CAMTA1: variants seen among roughly 807,000 people sequenced by gnomAD.
CAMTA1 encodes the protein calmodulin binding transcription activator 1.
A neutral mutation model predicts 170.9 loss-of-function variants in CAMTA1; 27 were observed. The ratio of observed to expected loss-of-function variants is 0.16; its 90% CI spans 0.12 to 0.22. CAMTA1 has a LOEUF of 0.22. Among genes scored for constraint, CAMTA1 ranks in the 10% least tolerant of loss-of-function variants. The pLI is 1.00. For synonymous variants in CAMTA1, 833 were observed against 891.5 expected (o/e 0.93, Z 1.17); for missense variants, 1,619 against 2,217.2 (o/e 0.73, Z 5.42).
chr1:7,466,512 G>A (rs892679742), intron 5 of CAMTA1, among the ~76,000 whole-genome samples: 43 of 152,290 alleles, frequency 2.8e-4, no homozygotes, highest in African/African-American at 1.0e-3. Context: ...AATTGCACCC[G>A]CTCTTTTGGG....
At chr1:7,267,097 A>G (rs2149383644) in intron 5 of CAMTA1, among the ~76,000 whole-genome samples, 1 of 152,256 alleles carries the variant, frequency 6.6e-6, no homozygotes, top group East Asian at 1.9e-4. Flanking sequence ...TTCTTCATCT[A>G]TGGAGTGGAA....
At chr1:7,575,914 C>T (rs112647380) in intron 6 of CAMTA1, among the ~76,000 whole-genome samples, 2 of 152,100 alleles carry the variant, frequency 1.3e-5, no homozygotes, top group African/African-American at 2.4e-5. Flanking sequence ...TCCCTGGAGA[C>T]GTCAGGGAGG....
intron 3 of CAMTA1, among the ~76,000 whole-genome samples, chr1:7,034,733 G>T (rs1483300835): frequency 1.3e-5 from 2 of 152,064 alleles, no homozygotes; most frequent in Non-Finnish European, 2.9e-5. Context: ...GCAGTCCCGG[G>T]GCTGACCTCG....
intron 6 of CAMTA1, among the ~76,000 whole-genome samples, chr1:7,621,038 A>G (rs772722666): frequency 1.2e-4 from 18 of 152,150 alleles, no homozygotes; most frequent in African/African-American, 4.8e-5. Context: ...CCGTAGGGTC[A>G]GGGGAGTAAT....
chr1:7,396,333 A>T (rs1238742417), intron 5 of CAMTA1, among the ~76,000 whole-genome samples: 2 of 152,190 alleles, frequency 1.3e-5, no homozygotes, highest in Non-Finnish European at 2.9e-5. Flanking sequence ...GCAGATGCTG[A>T]CACTAAGCTT....
chr1:6,872,824 A>G (rs1033301991), intron 3 of CAMTA1, among the ~76,000 whole-genome samples: 2 of 152,236 alleles, frequency 1.3e-5, no homozygotes, highest in Non-Finnish European at 2.9e-5. Flanking sequence ...AGCACAGATT[A>G]CTTTTTAAGT....
intron 5 of CAMTA1, among the ~76,000 whole-genome samples, chr1:7,340,174 G>C (rs1214983850): frequency 6.6e-6 from 1 of 152,230 alleles, no homozygotes; most frequent in Admixed American, 6.5e-5. Flanking sequence ...GGATGTGGCT[G>C]TGTGCCCATA....
chr1:7,479,740 G>A (rs931616986), intron 6 of CAMTA1, among the ~76,000 whole-genome samples: 5 of 152,214 alleles, frequency 3.3e-5, no homozygotes, highest in Non-Finnish European at 4.4e-5. Flanking sequence ...CCTGCCTCAT[G>A]TCTTTCTTTG....
At chr1:7,162,439 C>T (rs1467770160) in intron 4 of CAMTA1, among the ~76,000 whole-genome samples, 1 of 152,064 alleles carries the variant, frequency 6.6e-6, no homozygotes, top group African/African-American at 2.4e-5. Flanking sequence ...AACCCTGTAC[C>T]CATCAGCAGG....
intron 5 of CAMTA1, among the ~76,000 whole-genome samples, chr1:7,425,917 C>T (rs2091854624): frequency 6.6e-6 from 1 of 152,198 alleles, no homozygotes; most frequent in East Asian, 1.9e-4. Flanking sequence ...CTGGGCCAGC[C>T]ACTGAAGGCC....
chr1:7,275,361 AAAG>A (rs1472495380), intron 5 of CAMTA1, among the ~76,000 whole-genome samples: 1 of 152,034 alleles, frequency 6.6e-6, no homozygotes, highest in Non-Finnish European at 1.5e-5. Context: ...GAAGCTAGAG[AAAG>A]AAGAACCAAT....
At chr1:7,746,135 A>G in intron 18 of CAMTA1, 44 bp downstream of exon 18, 2 of 1,591,222 alleles carry the variant, frequency 1.3e-6, no homozygotes, top group Non-Finnish European at 1.7e-6. Flanking sequence ...TCTTAAGATC[A>G]GAGAGGACAG....
chr1:6,825,899 A>G (rs1181800115), intron 3 of CAMTA1, among the ~76,000 whole-genome samples: 2 of 152,136 alleles, frequency 1.3e-5, no homozygotes, highest in African/African-American at 2.4e-5. Context: ...ATTTAAGGTA[A>G]TACCCGTTTA....
chr1:7,027,448 TC>T (rs1342922115), intron 3 of CAMTA1, among the ~76,000 whole-genome samples: 1 of 152,204 alleles, frequency 6.6e-6, no homozygotes, highest in African/African-American at 2.4e-5. Flanking sequence ...GACCTAGAGA[TC>T]AATATATGCC....
At chr1:7,574,126 GC>G (rs1420015652) in intron 6 of CAMTA1, among the ~76,000 whole-genome samples, 5 of 118,888 alleles carry the variant, frequency 4.2e-5, no homozygotes, top group Non-Finnish European at 5.9e-5. Flanking sequence ...GGCTCTCAGG[GC>G]TTCCCTGCAG....
Position 7,665,456 on chromosome 1 carries a change from G to A in CAMTA1, c.2652+257G>A, listed in dbSNP as rs1383748033. 1.3e-5 allele frequency among the ~76,000 whole-genome samples: 2 copies of A among 152,208 alleles called. No homozygotes were observed. The highest frequency in any genetic ancestry group is 4.8e-5 in the African/African-American group (2 of 41,450). ...TGGCCGGGTGCCATGGCTCAAACCT[G>A]TAATCCCAGAACTTTGGGAGGCCGA... On this transcript the variant is annotated intron_variant, in intron 9 of 22. Coordinates refer to ENST00000303635, the MANE Select transcript of CAMTA1 (RefSeq NM_015215.4). The surrounding 1 kb of genome is among the most constrained non-coding windows in gnomAD (Gnocchi z 4.3).
chr1:7,715,406 G>C (rs2096601654), intron 11 of CAMTA1, among the ~76,000 whole-genome samples: 1 of 151,504 alleles, frequency 6.6e-6, no homozygotes, highest in South Asian at 2.1e-4. Flanking sequence ...ACTGGATGAA[G>C]TCAAGCTGCA....
At chr1:6,872,785 A>C (rs566608410) in intron 3 of CAMTA1, among the ~76,000 whole-genome samples, 1 of 152,128 alleles carries the variant, frequency 6.6e-6, no homozygotes, top group Non-Finnish European at 1.5e-5. Context: ...TAAAAAAAAC[A>C]TGTGAATTCT....
intron 5 of CAMTA1, among the ~76,000 whole-genome samples, chr1:7,405,299 T>C (rs2090207544): frequency 6.6e-6 from 1 of 152,192 alleles, no homozygotes; most frequent in African/African-American, 2.4e-5. Flanking sequence ...ACTTCCTTGG[T>C]ACTTCTCTCT....
Sources: gnomAD v4.1 joint callset for allele counts (sites outside exome capture counted in the v4.1 genomes callset) on GRCh38, gnomAD v4.1.1 for gene constraint, Gnocchi (gnomAD v3.1) non-coding constraint, MANE v1.5 for transcripts, NCBI Gene and HGNC (gene_info 2026-07-23, HGNC 2026-07-21) for gene names.